Variants in CHSY1 observed in about 807,000 individuals in gnomAD.
CHSY1 encodes the protein chondroitin sulfate synthase 1.
CHSY1 carries 13 observed loss-of-function variants against 59.8 expected under a neutral mutation model. The ratio of observed to expected loss-of-function variants is 0.22; its 90% confidence interval spans 0.14 to 0.35. The LOEUF (loss-of-function observed/expected upper bound fraction) is 0.35. Ranked by LOEUF, CHSY1 falls within the 10% of genes least tolerant of loss-of-function variation. The pLI is 1.00. For missense variants in CHSY1, 947 were observed against 1,030.6 expected (o/e 0.92, Z 1.11); for synonymous variants, 459 against 401.2 (o/e 1.14, Z -1.72).
chr15:101,202,683 T>C (rs2038585916), intron 2 of CHSY1, among the ~76,000 whole-genome samples: 1 of 152,302 alleles, frequency 6.6e-6, no homozygotes, highest in South Asian at 2.1e-4. Flanking sequence ...CACTCACTGG[T>C]AAACATGGAA....
At chr15:101,198,849 G>C (rs1286114658) in intron 2 of CHSY1, among the ~76,000 whole-genome samples, 1 of 152,176 alleles carries the variant, frequency 6.6e-6, no homozygotes, top group African/African-American at 2.4e-5. Flanking sequence ...GCAGCTGGGA[G>C]CGAGATCCCA....
At chr15:101,240,868 A>T (rs1414037180) in intron 1 of CHSY1, among the ~76,000 whole-genome samples, 1 of 152,254 alleles carries the variant, frequency 6.6e-6, no homozygotes, top group Admixed American at 6.5e-5. Context: ...AAGAAAAACT[A>T]CATAAAATAC....
chr15:101,206,382 G>A (rs960703384), intron 2 of CHSY1, among the ~76,000 whole-genome samples: 1 of 152,112 alleles, frequency 6.6e-6, no homozygotes, highest in African/African-American at 2.4e-5. Flanking sequence ...AGGCAGGGGT[G>A]GAGGTCGCAG....
intron 2 of CHSY1, among the ~76,000 whole-genome samples, chr15:101,216,697 A>G (rs777298429): frequency 1.3e-5 from 2 of 152,194 alleles, no homozygotes; most frequent in Admixed American, 6.5e-5. Flanking sequence ...GACAGTAAAA[A>G]GATCAGTGGT....
chr15:101,195,375 TTG>T (rs2038493402), intron 2 of CHSY1, among the ~76,000 whole-genome samples: 1 of 152,218 alleles, frequency 6.6e-6, no homozygotes, highest in Non-Finnish European at 1.5e-5. Context: ...ATCCTACTAT[TTG>T]TGTCAGGATT....
At chr15:101,199,921 A>G (rs75857854) in intron 2 of CHSY1, among the ~76,000 whole-genome samples, 2,509 of 152,334 alleles carry the variant, frequency 0.016, 31 homozygotes, top group East Asian at 0.075. Flanking sequence ...GTCTAACAGC[A>G]TTACAGCTGC....
intron 2 of CHSY1, among the ~76,000 whole-genome samples, chr15:101,225,790 G>A (rs562145871): frequency 6.6e-6 from 1 of 152,334 alleles, no homozygotes; most frequent in East Asian, 1.9e-4. Flanking sequence ...TTATAGCCGT[G>A]TGAGAACGGA....
intron 2 of CHSY1, among the ~76,000 whole-genome samples, chr15:101,184,504 A>C (rs890024955): frequency 6.6e-6 from 1 of 151,794 alleles, no homozygotes; most frequent in African/African-American, 2.4e-5. Context: ...ATACACCACC[A>C]CATACAGCTA....
At position 101,251,911 on chromosome 15, in the gene CHSY1, A is replaced by G. The variant is rs1272095108; in HGVS notation, c.-455T>C. 6.6e-6 allele frequency: 1 copy of G among 150,754 alleles called. No individual in the cohort carries two copies. Among genetic ancestry groups the G allele is most frequent in the East Asian group, 1.9e-4 (1 of 5,160 alleles). The allele number at this position is 150,754 out of a possible 1,614,324, so 9.3% of individuals were successfully genotyped here. On this transcript the variant is annotated 5_prime_UTR_variant, in exon 1 of 3. Coordinates refer to ENST00000254190, the MANE Select transcript of CHSY1 (RefSeq NM_014918.5). ...TAGCCGGCGCCGCCGCCGCAGCTGC[A>G]CATCCTCCGGCTTAGCTCGCCATTG...
intron 1 of CHSY1, among the ~76,000 whole-genome samples, chr15:101,239,719 C>T (rs1288323780): frequency 9.5e-6 from 1 of 105,130 alleles, no homozygotes; most frequent in East Asian, 2.1e-4. Context: ...CTTCTTAAAA[C>T]CTGAGCCTCA....
chr15:101,242,999 C>T (rs925888678), intron 1 of CHSY1, among the ~76,000 whole-genome samples: 2 of 152,158 alleles, frequency 1.3e-5, no homozygotes, highest in Non-Finnish European at 2.9e-5. Context: ...TCCTTACTGT[C>T]CATCCTAAAA....
chr15:101,182,074 C>T (rs753438776), intron 2 of CHSY1, among the ~76,000 whole-genome samples: 1 of 152,128 alleles, frequency 6.6e-6, no homozygotes, highest in Non-Finnish European at 1.5e-5. Flanking sequence ...CAAAATCAAC[C>T]GTCTGTATCT....
At chr15:101,211,429 A>G (rs1210869713) in intron 2 of CHSY1, among the ~76,000 whole-genome samples, 3 of 152,236 alleles carry the variant, frequency 2.0e-5, no homozygotes, top group Non-Finnish European at 4.4e-5. Context: ...GAGATCTTAG[A>G]GTGAAAAAGA....
At chr15:101,191,598 C>T (rs1163658509) in intron 2 of CHSY1, among the ~76,000 whole-genome samples, 1 of 152,194 alleles carries the variant, frequency 6.6e-6, no homozygotes, top group African/African-American at 2.4e-5. Flanking sequence ...ACTGTAGGTT[C>T]ACCAATTGTA....
intron 1 of CHSY1, among the ~76,000 whole-genome samples, chr15:101,244,404 T>G (rs541008992): frequency 6.6e-6 from 1 of 152,340 alleles, no homozygotes; most frequent in South Asian, 2.1e-4. Context: ...ACAGAATTAA[T>G]GGTAACTGAC....
chr15:101,191,309 A>G (rs1271771805), intron 2 of CHSY1, among the ~76,000 whole-genome samples: 1 of 152,268 alleles, frequency 6.6e-6, no homozygotes, highest in African/African-American at 2.4e-5. Flanking sequence ...AAAAGAAGCC[A>G]AACTGAAAAG....
Position 101,201,424 on chromosome 15 carries a change from A to G in CHSY1, c.817-22444T>C, listed in dbSNP as rs74677147. On this transcript the variant is annotated intron_variant, in intron 2 of 2. Transcript: ENST00000254190. ...AGGTGGGGACGAGTGAGCAGAAGAG[A>G]AAGGCTCACATGAGAAAGATGCCTA... Among the ~76,000 whole-genome samples, 623 of 152,316 alleles carry G rather than the reference A, an allele frequency of 4.1e-3. 3 individuals carry two copies. Among genetic ancestry groups the G allele is most frequent in the African/African-American group, 0.014 (572 of 41,566 alleles).
At chr15:101,217,973 C>T (rs1333985088) in intron 2 of CHSY1, among the ~76,000 whole-genome samples, 4 of 152,182 alleles carry the variant, frequency 2.6e-5, no homozygotes, top group Non-Finnish European at 4.4e-5. Context: ...ACATCAACAA[C>T]GATAAACCAT....
intron 2 of CHSY1, among the ~76,000 whole-genome samples, chr15:101,233,801 T>A (rs763200018): frequency 1.4e-4 from 21 of 152,168 alleles, no homozygotes; most frequent in Non-Finnish European, 2.9e-4. Context: ...ACAAAAAAAG[T>A]AAGAGTGATT....
Sources: gnomAD v4.1 joint callset for allele counts (sites outside exome capture counted in the v4.1 genomes callset) on GRCh38, gnomAD v4.1.1 for gene constraint, MANE v1.5 for transcripts, NCBI Gene and HGNC (gene_info 2026-07-23, HGNC 2026-07-21) for gene names.